WDR25: variants seen among roughly 807,000 people sequenced by gnomAD.
WDR25 encodes WD repeat domain 25.
WDR25 carries 35 observed loss-of-function variants against 47.7 expected under a neutral mutation model. The ratio of observed to expected loss-of-function variants is 0.73; its 90% CI spans 0.56 to 0.97. The LOEUF (loss-of-function observed/expected upper bound fraction) is 0.97, where lower values mean the gene tolerates loss of function less well. Among genes scored for constraint, WDR25 ranks in the 50% least tolerant of loss-of-function variants. The pLI is 0.00. For synonymous variants in WDR25, 248 were observed against 278.9 expected (o/e 0.89, Z 1.10); for missense variants, 634 against 704.7 (o/e 0.90, Z 1.14).
chr14:100,479,274 C>T (rs1424297104), intron 3 of WDR25, among the ~76,000 whole-genome samples: 1 of 152,138 alleles, frequency 6.6e-6, no homozygotes, highest in Admixed American at 6.5e-5. Context: ...TCTGCCTGTG[C>T]TCCCTGAGCA....
chr14:100,408,149 C>T lies in WDR25; in HGVS notation c.822+26403C>T, dbSNP rs977340540. ...TAGGAACGGGGAGCCATGGAACGTGCGTGAAGCGGTGTGTAAAACTGGAGA... is the reference window on the plus strand; with the variant it reads ...TAGGAACGGGGAGCCATGGAACGTGTGTGAAGCGGTGTGTAAAACTGGAGA... On this transcript the variant is annotated intron_variant, in intron 2 of 6. Coordinates refer to ENST00000402312, the MANE Select transcript of WDR25 (RefSeq NM_001161476.3). Among the ~76,000 whole-genome samples, 3 of 152,100 alleles carry T rather than the reference C, an allele frequency of 2.0e-5. No individual in the cohort carries two copies. In the East Asian group the frequency reaches 5.8e-4, roughly 29 times the overall value.
chr14:100,398,491 T>G (rs1297632631), intron 2 of WDR25, among the ~76,000 whole-genome samples: 2 of 152,062 alleles, frequency 1.3e-5, no homozygotes, highest in African/African-American at 4.8e-5. Flanking sequence ...TGTAAAACTT[T>G]AAAAAATAAT....
At position 100,488,940 on chromosome 14, in the gene WDR25, G is replaced by A. The variant is rs532405763; in HGVS notation, c.1101+4816G>A. ...CCCGACAGGGCCTGGACCAGAGCAG[G>A]TGTTCAGGATAACCTGGAGTGAGCT... On this transcript the variant is annotated intron_variant, in intron 4 of 6. Coordinates refer to ENST00000402312, the MANE Select transcript of WDR25 (RefSeq NM_001161476.3). The surrounding 1 kb of genome is among the most constrained non-coding windows in gnomAD (Gnocchi z 4.2). Among the ~76,000 whole-genome samples, 2 of 152,202 alleles carry A rather than the reference G, an allele frequency of 1.3e-5. No homozygotes were observed. The highest frequency in any genetic ancestry group is 4.8e-5 in the African/African-American group (2 of 41,450).
At chr14:100,433,277 T>C (rs1898397162) in intron 2 of WDR25, among the ~76,000 whole-genome samples, 1 of 152,242 alleles carries the variant, frequency 6.6e-6, no homozygotes, top group South Asian at 2.1e-4. Flanking sequence ...AGCCAGTTAT[T>C]TTATAGACCT....
At chr14:100,410,184 G>A (rs948324377) in intron 2 of WDR25, among the ~76,000 whole-genome samples, 2 of 152,160 alleles carry the variant, frequency 1.3e-5, no homozygotes, top group East Asian at 3.8e-4. Flanking sequence ...AAAAGCCAGC[G>A]CTCCCTTCGT....
chr14:100,391,503 CCTTTCCTCAAA>C (rs1897145186), intron 2 of WDR25, among the ~76,000 whole-genome samples: 1 of 152,118 alleles, frequency 6.6e-6, no homozygotes, highest in Admixed American at 6.5e-5. Context: ...GCTTCCTCAA[CCTTTCCTCAAA>C]AAAGAAATGT....
At chr14:100,505,881 A>G (rs1458354835) in intron 4 of WDR25, among the ~76,000 whole-genome samples, 1 of 152,192 alleles carries the variant, frequency 6.6e-6, no homozygotes, top group African/African-American at 2.4e-5. Context: ...GTATTAGTAT[A>G]TAGAAATACT....
rs1008409824 is a variant in WDR25 at position 100,449,661 on chromosome 14, C to T, written c.823-18360C>T. On this transcript the variant is annotated intron_variant, in intron 2 of 6. Transcript: ENST00000402312. The surrounding 1 kb of genome is among the most constrained non-coding windows in gnomAD (Gnocchi z 4.2). ...ATCAGGTGATGCTTCCAGGAGCCCC[C>T]ACTCAGTAACTGCTGAGAGCATCCC... Among the ~76,000 whole-genome samples, 2 of 152,232 alleles carry T rather than the reference C, an allele frequency of 1.3e-5. No individual in the cohort carries two copies. Among genetic ancestry groups the T allele is most frequent in the Admixed American group, 6.5e-5 (1 of 15,282 alleles).
At chr14:100,427,598 T>C (rs919005182) in intron 2 of WDR25, among the ~76,000 whole-genome samples, 1 of 151,582 alleles carries the variant, frequency 6.6e-6, no homozygotes, top group South Asian at 2.1e-4. Context: ...GAGCCGGGGG[T>C]GACGTGTGGG....
At chr14:100,432,827 G>C (rs1417967899) in intron 2 of WDR25, among the ~76,000 whole-genome samples, 3 of 152,204 alleles carry the variant, frequency 2.0e-5, no homozygotes, top group Non-Finnish European at 2.9e-5. Flanking sequence ...GTTGTGGTGG[G>C]AACACCATAT....
At chr14:100,472,826 C>T (rs572551433) in intron 3 of WDR25, among the ~76,000 whole-genome samples, 2 of 152,326 alleles carry the variant, frequency 1.3e-5, no homozygotes, top group East Asian at 3.9e-4. Context: ...GACCCCCAGC[C>T]TGCCCGGCCT....
chr14:100,455,806 G>A (rs1206158967), intron 2 of WDR25, among the ~76,000 whole-genome samples: 7 of 152,216 alleles, frequency 4.6e-5, no homozygotes, highest in Admixed American at 2.6e-4. Flanking sequence ...TAGTGAATGA[G>A]ATCAGTTTGT....
At chr14:100,497,156 A>G (rs1444852024) in intron 4 of WDR25, among the ~76,000 whole-genome samples, 1 of 152,168 alleles carries the variant, frequency 6.6e-6, no homozygotes, top group African/African-American at 2.4e-5. Context: ...TATGGCCCAG[A>G]ATATAGCCTG....
intron 4 of WDR25, among the ~76,000 whole-genome samples, chr14:100,517,515 T>C (rs529310505): frequency 3.6e-4 from 55 of 152,342 alleles, no homozygotes; most frequent in African/African-American, 1.2e-3. Context: ...ACAATTCTAC[T>C]TATTGTTAAT....
intron 2 of WDR25, among the ~76,000 whole-genome samples, chr14:100,467,049 T>C (rs748707406): frequency 6.6e-6 from 1 of 152,168 alleles, no homozygotes; most frequent in Non-Finnish European, 1.5e-5. Context: ...AGTCATTGAG[T>C]GTAACAGGGT....
chr14:100,440,340 C>T lies in WDR25; in HGVS notation c.823-27681C>T, dbSNP rs573136903. On this transcript the variant is annotated intron_variant, in intron 2 of 6. Transcript: ENST00000402312. The surrounding 1 kb of genome is among the most constrained non-coding windows in gnomAD (Gnocchi z 4.4). The stretch of plus-strand genomic sequence containing the variant: ...CAAAATGCAGACAGGCAGCCACAGT[C>T]AGGGAGCCCTTCGGCCACGGCAGCG... Among the ~76,000 whole-genome samples the T allele has an allele frequency of 6.6e-6, 1 of 152,348 alleles. No homozygotes were observed. The highest frequency in any genetic ancestry group is 2.4e-5 in the African/African-American group (1 of 41,572).
intron 3 of WDR25, among the ~76,000 whole-genome samples, chr14:100,471,944 C>T (rs1408153110): frequency 1.3e-5 from 2 of 152,212 alleles, no homozygotes; most frequent in Admixed American, 6.5e-5. Flanking sequence ...GAGGTGGCCT[C>T]AGGGAACGCT....
chr14:100,446,561 A>G (rs1348589812), intron 2 of WDR25, among the ~76,000 whole-genome samples: 3 of 151,942 alleles, frequency 2.0e-5, no homozygotes, highest in Admixed American at 6.6e-5. Context: ...AAAAAAAAAA[A>G]AAAAAAAAAA....
chr14:100,427,308 G>A (rs1419282550), intron 2 of WDR25, among the ~76,000 whole-genome samples: 1 of 152,160 alleles, frequency 6.6e-6, no homozygotes, highest in Non-Finnish European at 1.5e-5. Flanking sequence ...ATCCACCAGT[G>A]TGCTCCCACT....
Sources: allele counts gnomAD v4.1 joint callset (sites outside exome capture counted in the v4.1 genomes callset), GRCh38; gene constraint gnomAD v4.1.1; non-coding constraint Gnocchi (gnomAD v3.1); transcripts MANE v1.5; gene names NCBI Gene and HGNC (gene_info 2026-07-23, HGNC 2026-07-21).